The following MMP26 variants were observed in gnomAD, a reference collection of about 807,000 sequenced individuals.
MMP26 encodes matrix metallopeptidase 26, also known as matrix metalloproteinase-26.
Under a neutral mutation model 31.0 loss-of-function variants are expected in MMP26, and 33 were observed. The observed-to-expected ratio is 1.06, with a 90% CI of 0.81 to 1.42. MMP26 has a LOEUF of 1.42. Ranked by LOEUF, MMP26 falls within the 40% of genes most tolerant of loss-of-function variation. The probability of loss-of-function intolerance (pLI) is 0.00; values close to 1 mark genes in which losing one functional copy is unlikely to be tolerated. For missense variants in MMP26, 347 were observed against 316.1 expected, an observed-to-expected ratio of 1.10 and a Z score of -0.74; for synonymous variants, 122 against 114.9, an observed-to-expected ratio of 1.06 and a Z score of -0.40.
At chr11:4,986,905 T>TTCTC (rs71050445) in intron 2 of MMP26, among the ~76,000 whole-genome samples, 615 of 48,654 alleles carry the variant, frequency 0.013, 33 homozygotes, top group African/African-American at 0.043. Flanking sequence ...CTTCCTTCCT[T>TTCTC]TCTCTCTCTC....
intron 2 of MMP26, among the ~76,000 whole-genome samples, chr11:4,770,545 G>C (rs1416805827): frequency 6.6e-6 from 1 of 152,104 alleles, no homozygotes; most frequent in Admixed American, 6.6e-5. Context: ...GGTTTTATGG[G>C]GACTATGAAA....
chr11:4,989,785 GC>G lies in MMP26; in HGVS notation c.241del (p.His81ThrfsTer24). 1.2e-6 allele frequency: 2 copies of G among 1,613,820 alleles called. No individual in the cohort carries two copies. Among genetic ancestry groups the G allele is most frequent in the South Asian group, 2.2e-5 (2 of 91,072 alleles). On this transcript the variant is annotated frameshift_variant, in exon 4 of 8. Coordinates refer to ENST00000380390, the MANE Select transcript of MMP26 (RefSeq NM_021801.5). LOFTEE classifies it high-confidence loss of function. ...DMQMHALLHQ[P>X]HCGVPDGSDT... ...TGCAGATGCATGCTCTGCTACACCA[GC>G]CCCACTGTGGGGTGCCTGATGGGTC...
chr11:4,943,711 G>C, intron 2 of MMP26: 2 of 352,722 alleles, frequency 5.7e-6, no homozygotes, highest in Non-Finnish European at 1.1e-5. Flanking sequence ...TGTTTAAGGA[G>C]CCCCAGAGTT....
chr11:4,791,417 G>T (rs1849025025), intron 2 of MMP26, among the ~76,000 whole-genome samples: 1 of 152,010 alleles, frequency 6.6e-6, no homozygotes, highest in Admixed American at 6.6e-5. Context: ...ACTTAGTTGT[G>T]CCCGAACCTT....
At chr11:4,907,005 A>G (rs1850900975) in intron 2 of MMP26, among the ~76,000 whole-genome samples, 1 of 147,678 alleles carries the variant, frequency 6.8e-6, no homozygotes, top group African/African-American at 2.5e-5. Context: ...CTGAGGCAGG[A>G]GAATCACTTG....
chr11:4,911,633 A>G (rs1416940025), intron 2 of MMP26, among the ~76,000 whole-genome samples: 1 of 151,880 alleles, frequency 6.6e-6, no homozygotes, highest in Non-Finnish European at 1.5e-5. Flanking sequence ...CCATTCTGCA[A>G]TGTTCTTCCC....
chr11:4,897,688 G>GT (rs1221008842), intron 2 of MMP26, among the ~76,000 whole-genome samples: 1 of 150,576 alleles, frequency 6.6e-6, no homozygotes, highest in Non-Finnish European at 1.5e-5. Flanking sequence ...AAACAGAGTT[G>GT]ATCCTTAGAG....
chr11:4,757,224 G>C (rs1848515668), intron 1 of MMP26, among the ~76,000 whole-genome samples: 2 of 151,998 alleles, frequency 1.3e-5, no homozygotes, highest in Admixed American at 6.6e-5. Context: ...AATTAAATGA[G>C]AGAAAGGATA....
intron 2 of MMP26, among the ~76,000 whole-genome samples, chr11:4,780,773 T>C (rs1848847845): frequency 6.6e-6 from 1 of 151,930 alleles, no homozygotes; most frequent in Non-Finnish European, 1.5e-5. Flanking sequence ...TATTTCTCCA[T>C]AGTAGTATAA....
intron 2 of MMP26, among the ~76,000 whole-genome samples, chr11:4,902,082 T>C (rs1434092126): frequency 1.3e-5 from 2 of 152,188 alleles, no homozygotes; most frequent in African/African-American, 2.4e-5. Context: ...CCATGACCCT[T>C]TTCGTTACAC....
chr11:4,946,310 C>T lies in MMP26; in HGVS notation c.-144-41758C>T, dbSNP rs149815596. The T allele has an allele frequency of 4.2e-3, 6,757 of 1,613,736 alleles. 26 individuals are homozygous for T. The highest frequency in any genetic ancestry group is 5.1e-3 in the Non-Finnish European group (6,041 of 1,179,918). On this transcript the variant is annotated intron_variant, in intron 2 of 7. Transcript: ENST00000380390. Reference sequence around the variant, plus strand: ...GAGGGGAGAGACATGCCGGGCAAAGCGGTGGACAACGGCCAGGTTGATGAT... The same window carrying T: ...GAGGGGAGAGACATGCCGGGCAAAGTGGTGGACAACGGCCAGGTTGATGAT...
chr11:4,783,058 C>A (rs1401311274), intron 2 of MMP26, among the ~76,000 whole-genome samples: 3 of 152,210 alleles, frequency 2.0e-5, no homozygotes, highest in African/African-American at 4.8e-5. Flanking sequence ...GAAGTCCCCA[C>A]ACAGAGCCCC....
Position 4,897,500 on chromosome 11 carries a change from A to C in MMP26, c.-144-90568A>C, listed in dbSNP as rs536166622. ...ATTGGGGTCATACTATTATATCAAA[A>C]CATTTATTTTTATGACTATCTTTGT... On this transcript the variant is annotated intron_variant, in intron 2 of 7. Transcript: ENST00000380390. Among the ~76,000 whole-genome samples, 3 of 152,268 alleles carry C rather than the reference A, an allele frequency of 2.0e-5. No homozygotes were observed. In the South Asian group the frequency reaches 6.2e-4, roughly 32 times the overall value.
In MMP26 at chr11:4,950,530, G is replaced by A. The variant is rs150938924; in HGVS notation, c.-144-37538G>A. 6.7e-5 allele frequency among the ~76,000 whole-genome samples: 8 copies of A among 119,498 alleles called. 1 individual carries two copies. The East Asian group carries it at 1.9e-3, about 28-fold the overall frequency. 78.4% of individuals were successfully genotyped at this position (119,498 alleles called of 152,430 possible). ...ATGAATACTAGATGATGGGGATGGGGGGAGTCTGGAGATGATAGTCAAAAG... is the reference window on the plus strand; with the variant it reads ...ATGAATACTAGATGATGGGGATGGGAGGAGTCTGGAGATGATAGTCAAAAG... On this transcript the variant is annotated intron_variant, in intron 2 of 7. Transcript: ENST00000380390.
In MMP26 at chr11:4,948,642, C is replaced by A. The variant is rs1227950904; in HGVS notation, c.-144-39426C>A. Among the ~76,000 whole-genome samples, 6 of 123,266 alleles carry A rather than the reference C, an allele frequency of 4.9e-5. 1 individual carries two copies. Among genetic ancestry groups the A allele is most frequent in the African/African-American group, 1.6e-4 (6 of 36,416 alleles). 80.9% of individuals were successfully genotyped at this position (123,266 alleles called of 152,430 possible). On this transcript the variant is annotated intron_variant, in intron 2 of 7. Coordinates refer to ENST00000380390, the MANE Select transcript of MMP26 (RefSeq NM_021801.5). ...AATCTTTGCAACAGTGAAAATCATG[C>A]TAGTATAGAGATCCTAAGGAAAAGG...
At chr11:4,747,681 C>T (rs1352495571) in intron 1 of MMP26, among the ~76,000 whole-genome samples, 1 of 152,018 alleles carries the variant, frequency 6.6e-6, no homozygotes, top group Non-Finnish European at 1.5e-5. Flanking sequence ...ACCTAGAGAA[C>T]TCTAAGGAAA....
intron 3 of MMP26, 126 bp downstream of exon 3, chr11:4,988,436 C>T: frequency 1.3e-6 from 1 of 766,624 alleles, no homozygotes. Flanking sequence ...CACATGAAAA[C>T]ATTTTATTCT....
At chr11:4,725,679 T>A (rs990637780) in intron 1 of MMP26, among the ~76,000 whole-genome samples, 1 of 152,198 alleles carries the variant, frequency 6.6e-6, no homozygotes. Flanking sequence ...CACTCTCTCA[T>A]CAGGTGTTTG....
At chr11:4,727,216 C>G (rs1214690807) in intron 1 of MMP26, among the ~76,000 whole-genome samples, 1 of 151,992 alleles carries the variant, frequency 6.6e-6, no homozygotes. Context: ...ACTCCATTTG[C>G]TTTAAAGGTA....
Sources: allele counts gnomAD v4.1 joint callset (sites outside exome capture counted in the v4.1 genomes callset), GRCh38; gene constraint gnomAD v4.1.1; transcripts MANE v1.5; gene names NCBI Gene and HGNC (gene_info 2026-07-23, HGNC 2026-07-21).